Variants in SLC39A9 observed in about 807,000 individuals in gnomAD.
SLC39A9 encodes the protein solute carrier family 39 member 9, also known as zinc transporter ZIP9.
SLC39A9 carries 14 observed loss-of-function variants against 28.4 expected under a neutral mutation model. The ratio of observed to expected loss-of-function variants is 0.49; its 90% CI spans 0.33 to 0.77. SLC39A9 has a LOEUF of 0.77. SLC39A9 is among the 30% of genes least tolerant of loss of function. SLC39A9 has a pLI of 0.02. For missense variants in SLC39A9, 283 were observed against 381.1 expected, an observed-to-expected ratio of 0.74 and a Z score of 2.14; for synonymous variants, 119 against 149.6, an observed-to-expected ratio of 0.80 and a Z score of 1.49.
chr14:69,417,395 G>C (rs1883634942), intron 1 of SLC39A9, among the ~76,000 whole-genome samples: 1 of 152,220 alleles, frequency 6.6e-6, no homozygotes, highest in Non-Finnish European at 1.5e-5. Flanking sequence ...ATAGTTGGAA[G>C]TCAGATAGTG....
chr14:69,409,999 C>A (rs1321366824), intron 1 of SLC39A9, among the ~76,000 whole-genome samples: 2 of 152,130 alleles, frequency 1.3e-5, no homozygotes, highest in Non-Finnish European at 2.9e-5. Flanking sequence ...TTCAGTTGAA[C>A]TCTTATGTAT....
chr14:69,444,177 C>T (rs1006398473), intron 3 of SLC39A9, among the ~76,000 whole-genome samples: 5 of 152,040 alleles, frequency 3.3e-5, no homozygotes, highest in African/African-American at 1.2e-4. Flanking sequence ...AGCAAGAGAA[C>T]AAGATCCCAT....
intron 3 of SLC39A9, among the ~76,000 whole-genome samples, chr14:69,447,990 G>A (rs1265092925): frequency 4.0e-5 from 6 of 151,312 alleles, no homozygotes; most frequent in Non-Finnish European, 1.5e-5. Flanking sequence ...CGAGGCAGGT[G>A]GATCACAAGG....
At chr14:69,416,440 A>C (rs1427324640) in intron 1 of SLC39A9, among the ~76,000 whole-genome samples, 2 of 152,238 alleles carry the variant, frequency 1.3e-5, no homozygotes, top group Non-Finnish European at 2.9e-5. Context: ...ATACGTGTGC[A>C]TGTGTCTTTA....
In SLC39A9 at chr14:69,461,015, T is replaced by A; in HGVS notation, c.*2422T>A. On this transcript the variant is annotated 3_prime_UTR_variant, in exon 7 of 7. Coordinates refer to ENST00000336643, the MANE Select transcript of SLC39A9 (RefSeq NM_018375.5). Reference sequence around the variant, plus strand: ...GAGAGGCCATGTCCGTGTTCACTTCTTGGCACATTTCAGTTCCGTTTTCCT... The same window carrying A: ...GAGAGGCCATGTCCGTGTTCACTTCATGGCACATTTCAGTTCCGTTTTCCT... 1 of 985,672 alleles carries A rather than the reference T, an allele frequency of 1.0e-6. No homozygotes were observed. Among genetic ancestry groups the A allele is most frequent in the Non-Finnish European group, 1.2e-6 (1 of 830,120 alleles). 61.1% of individuals were successfully genotyped at this position (985,672 alleles called of 1,614,324 possible).
chr14:69,445,399 TTTC>T (rs1384548226), intron 3 of SLC39A9, among the ~76,000 whole-genome samples: 1 of 152,256 alleles, frequency 6.6e-6, no homozygotes, highest in Non-Finnish European at 1.5e-5. Context: ...ATATTTTCTC[TTTC>T]TTATGATTTT....
chr14:69,459,308 A>T lies in SLC39A9; in HGVS notation c.*715A>T. 5.1e-6 allele frequency: 5 copies of T among 985,436 alleles called. No homozygotes were observed. The highest frequency in any genetic ancestry group is 4.8e-6 in the Non-Finnish European group (4 of 829,932). The allele number at this position is 985,436 out of a possible 1,614,324, so 61.0% of individuals were successfully genotyped here. On this transcript the variant is annotated 3_prime_UTR_variant, in exon 7 of 7. Transcript: ENST00000336643. Reference sequence around the variant, plus strand: ...GGAGAGGTGGGAGGAGCTTCTAAAGAGGTGACTGGTATTTTGTAGCATTCC... The same window carrying T: ...GGAGAGGTGGGAGGAGCTTCTAAAGTGGTGACTGGTATTTTGTAGCATTCC...
At chr14:69,409,271 C>T (rs1276570387) in intron 1 of SLC39A9, among the ~76,000 whole-genome samples, 2 of 152,034 alleles carry the variant, frequency 1.3e-5, no homozygotes, top group Admixed American at 6.6e-5. Flanking sequence ...TTTACATTCT[C>T]CCTTTTATAA....
At chr14:69,431,651 CA>C (rs905843227) in intron 2 of SLC39A9, among the ~76,000 whole-genome samples, 7 of 151,370 alleles carry the variant, frequency 4.6e-5, no homozygotes, top group Admixed American at 2.0e-4. Flanking sequence ...GTTTGGGGTA[CA>C]AATGATCCCA....
rs575734606 is a variant in SLC39A9, at chr14:69,429,024, G to C, written c.205+4822G>C. ...ATTTTGCCAGGTTTTCAATAGGAAA[G>C]TTTTGGGCATCAGCTTTATAGTCCT... On this transcript the variant is annotated intron_variant, in intron 2 of 6. Transcript: ENST00000336643. 3.3e-5 allele frequency: 5 copies of C among 152,348 alleles called. 1 individual carries two copies. In the South Asian group the frequency reaches 1.0e-3, roughly 32 times the overall value. 9.4% of individuals were successfully genotyped at this position (152,348 alleles called of 1,614,324 possible). A position where few individuals can be genotyped will look rare whatever the true frequency, so the allele number is the denominator to read the frequency against.
At chr14:69,442,351 A>G in intron 3 of SLC39A9, 85 bp downstream of exon 3, 4 of 1,315,676 alleles carry the variant, frequency 3.0e-6, no homozygotes, top group Non-Finnish European at 4.3e-6. Context: ...AGTCTGTATC[A>G]GTGGCCATAT....
chr14:69,460,162 A>G lies in SLC39A9; in HGVS notation c.*1569A>G. ...TCAAAACACATTACACTAAGGGGGA[A>G]CCAAGACTAGTTTCTTCAGGGCAGT... On this transcript the variant is annotated 3_prime_UTR_variant, in exon 7 of 7. Transcript: ENST00000336643. 1.0e-6 allele frequency: 1 copy of G among 985,848 alleles called. No homozygotes were observed. Among genetic ancestry groups the G allele is most frequent in the Non-Finnish European group, 1.2e-6 (1 of 829,882 alleles). The allele number at this position is 985,848 out of a possible 1,614,324, so 61.1% of individuals were successfully genotyped here.
chr14:69,406,851 T>TTTG (rs1882941136), intron 1 of SLC39A9, among the ~76,000 whole-genome samples: 1 of 134,384 alleles, frequency 7.4e-6, no homozygotes, highest in Non-Finnish European at 1.6e-5. Flanking sequence ...ATTCTTTGTT[T>TTTG]TTTTTTTTTT....
At chr14:69,427,007 AT>A (rs35299160) in intron 2 of SLC39A9, among the ~76,000 whole-genome samples, 33,676 of 135,830 alleles carry the variant, frequency 0.25, 3,915 homozygotes, top group African/African-American at 0.29. Context: ...ACCCAAAATA[AT>A]TTTTTTTTTT....
Position 69,462,271 on chromosome 14 carries a change from G to T in SLC39A9, c.*3678G>T, listed in dbSNP as rs1027026957. On this transcript the variant is annotated 3_prime_UTR_variant, in exon 7 of 7. Transcript: ENST00000336643. ...AAATGTCCCTTTTTCTGGATCCCTT[G>T]TAAACATGAAATCATTCCATGGATG... is the stretch of plus-strand genomic sequence containing the variant. 1 of 152,224 alleles carries T rather than the reference G, an allele frequency of 6.6e-6. No homozygotes were observed. Among genetic ancestry groups the T allele is most frequent in the African/African-American group, 2.4e-5 (1 of 41,430 alleles). 9.4% of individuals were successfully genotyped at this position (152,224 alleles called of 1,614,324 possible).
In SLC39A9 at chr14:69,458,566, C is replaced by T. The variant is rs568908892; in HGVS notation, c.897C>T (p.Leu299=). ...TGGTTCTGGGTTGCCTCATCCCTCT[C>T]ATCCTGTCAGTAGGACACCAGCATT... ...AALVLGCLIP[L]ILSVGHQH The change falls in exon 7 of 7, where the codon CTC becomes CTT. Residue 299 remains leucine (L), a synonymous_variant. Transcript: ENST00000336643. 3 of 1,613,736 alleles carry T rather than the reference C, an allele frequency of 1.9e-6. No individual in the cohort carries two copies. The highest frequency in any genetic ancestry group is 1.3e-5 in the African/African-American group (1 of 75,058).
At chr14:69,411,137 G>A (rs1883238260) in intron 1 of SLC39A9, among the ~76,000 whole-genome samples, 1 of 151,018 alleles carries the variant, frequency 6.6e-6, no homozygotes, top group Non-Finnish European at 1.5e-5. Flanking sequence ...GCTTGAACCT[G>A]GAAGGTAGAG....
At position 69,433,291 on chromosome 14, in the gene SLC39A9, C is replaced by T. The variant is rs140668981; in HGVS notation, c.206-8778C>T. Among the ~76,000 whole-genome samples the T allele has an allele frequency of 5.9e-3, 903 of 152,186 alleles. 7 individuals are homozygous for T. Among genetic ancestry groups the T allele is most frequent in the African/African-American group, 0.021 (868 of 41,530 alleles). The stretch of plus-strand genomic sequence containing the variant: ...AACTAGACTTGCATATACCCACCTC[C>T]TAGTTATTATATATAATTCTTTTTA... On this transcript the variant is annotated intron_variant, in intron 2 of 6. Transcript: ENST00000336643.
intron 5 of SLC39A9, 59 bp downstream of exon 5, chr14:69,454,956 A>G (rs368250989): frequency 2.3e-6 from 3 of 1,279,392 alleles, no homozygotes; most frequent in Non-Finnish European, 3.3e-6. Context: ...AAAATTTCTC[A>G]TGGTCCTTAA....
Sources: gnomAD v4.1 joint callset for allele counts (sites outside exome capture counted in the v4.1 genomes callset) on GRCh38, gnomAD v4.1.1 for gene constraint, MANE v1.5 for transcripts, NCBI Gene and HGNC (gene_info 2026-07-23, HGNC 2026-07-21) for gene names.